The following DPYD variants were observed in gnomAD, a reference collection of about 807,000 sequenced individuals.
DPYD encodes dihydropyrimidine dehydrogenase [NADP(+)].
DPYD carries 109 observed loss-of-function variants against 116.2 expected under a neutral mutation model. That is an observed-to-expected ratio of 0.94 (90% CI 0.80 to 1.10). The LOEUF (loss-of-function observed/expected upper bound fraction) is 1.10, where lower values mean the gene tolerates loss of function less well. Among genes scored for constraint, DPYD ranks in the 50% least tolerant of loss-of-function variants. The pLI, the probability that DPYD is intolerant of heterozygous loss-of-function variation, is 0.00. For missense variants in DPYD, 1,302 were observed against 1,254.5 expected, an observed-to-expected ratio of 1.04 and a Z score of -0.57; for synonymous variants, 440 against 432.0, an observed-to-expected ratio of 1.02 and a Z score of -0.23.
At chr1:97,356,912 C>T (rs1474308681) in intron 16 of DPYD, among the ~76,000 whole-genome samples, 1 of 152,196 alleles carries the variant, frequency 6.6e-6, no homozygotes, top group Non-Finnish European at 1.5e-5. Context: ...TGCTGTTTAA[C>T]TAACATCACT....
At chr1:97,170,513 T>C (rs896287708) in intron 20 of DPYD, among the ~76,000 whole-genome samples, 5 of 152,022 alleles carry the variant, frequency 3.3e-5, no homozygotes, top group African/African-American at 4.8e-5. Context: ...CACATCTACA[T>C]AGGCAATGCA....
At chr1:97,761,826 T>C (rs1665591230) in intron 3 of DPYD, among the ~76,000 whole-genome samples, 1 of 152,090 alleles carries the variant, frequency 6.6e-6, no homozygotes, top group African/African-American at 2.4e-5. Context: ...TATGCAGCCA[T>C]GAAAAAGAAT....
intron 8 of DPYD, among the ~76,000 whole-genome samples, chr1:97,626,700 G>A (rs562416854): frequency 3.9e-5 from 6 of 151,938 alleles, no homozygotes; most frequent in Non-Finnish European, 7.4e-5. Context: ...TCTTCCTTCC[G>A]CATTAGCCTG....
chr1:97,549,107 C>T (rs1302373682), intron 12 of DPYD, among the ~76,000 whole-genome samples: 1 of 151,384 alleles, frequency 6.6e-6, no homozygotes, highest in Non-Finnish European at 1.5e-5. Flanking sequence ...TCTCTGTTGT[C>T]CAGGTTGAAG....
At chr1:97,523,019 C>T (rs945314306) in intron 12 of DPYD, among the ~76,000 whole-genome samples, 14 of 152,088 alleles carry the variant, frequency 9.2e-5, no homozygotes, top group Non-Finnish European at 1.6e-4. Flanking sequence ...AATGAGAACT[C>T]GAATTTTTGC....
Position 97,424,609 on chromosome 1 carries a change from A to G in DPYD, c.1905+25450T>C, listed in dbSNP as rs115515089. On this transcript the variant is annotated intron_variant, in intron 14 of 22. Coordinates refer to ENST00000370192, the MANE Select transcript of DPYD (RefSeq NM_000110.4). ...GCAAATATTCATAGTGAATTTCTCT[A>G]TAACACTCATTATATAGTTTGGGCT... Among the ~76,000 whole-genome samples, 1,454 of 152,252 alleles carry G rather than the reference A, an allele frequency of 9.5e-3. 22 individuals are homozygous for G. Among genetic ancestry groups the G allele is most frequent in the African/African-American group, 0.033 (1,375 of 41,560 alleles).
chr1:97,274,813 A>T (rs1303555777), intron 18 of DPYD, among the ~76,000 whole-genome samples: 1 of 152,018 alleles, frequency 6.6e-6, no homozygotes, highest in Non-Finnish European at 1.5e-5. Context: ...ATTGTATCCT[A>T]GTGTGTGGGT....
intron 19 of DPYD, among the ~76,000 whole-genome samples, chr1:97,198,546 A>G (rs558464587): frequency 6.6e-6 from 1 of 152,178 alleles, no homozygotes. Flanking sequence ...TGCCTAACTT[A>G]TATACTCCAT....
intron 13 of DPYD, among the ~76,000 whole-genome samples, chr1:97,460,870 C>A (rs761439529): frequency 1.3e-5 from 2 of 152,046 alleles, no homozygotes; most frequent in African/African-American, 4.8e-5. Context: ...GAAACCCTGT[C>A]TCTACTAAAG....
chr1:97,695,532 T>C (rs968022853), intron 6 of DPYD, among the ~76,000 whole-genome samples: 1 of 151,428 alleles, frequency 6.6e-6, no homozygotes, highest in African/African-American at 2.4e-5. Context: ...CACTTTGCCT[T>C]GTTTACTTTT....
intron 14 of DPYD, among the ~76,000 whole-genome samples, chr1:97,415,157 C>A (rs888829053): frequency 1.4e-5 from 2 of 146,274 alleles, no homozygotes; most frequent in Non-Finnish European, 3.0e-5. Context: ...AGAATAAAGG[C>A]AAACAAAACT....
chr1:97,287,124 T>C (rs1665745109), intron 18 of DPYD, among the ~76,000 whole-genome samples: 1 of 152,212 alleles, frequency 6.6e-6, no homozygotes. Flanking sequence ...TCCTTTCTGC[T>C]TGTTAGTTTT....
intron 5 of DPYD, among the ~76,000 whole-genome samples, chr1:97,706,116 A>C (rs2100989691): frequency 6.6e-6 from 1 of 151,868 alleles, no homozygotes; most frequent in South Asian, 2.1e-4. Context: ...TAACCCACTT[A>C]GAATATGTTA....
At chr1:97,340,286 T>C (rs1340390504) in intron 16 of DPYD, among the ~76,000 whole-genome samples, 1 of 152,082 alleles carries the variant, frequency 6.6e-6, no homozygotes. Context: ...CTAATAAAGA[T>C]AATTAGTGAT....
intron 3 of DPYD, among the ~76,000 whole-genome samples, chr1:97,791,109 C>G (rs1316775892): frequency 6.6e-6 from 1 of 152,050 alleles, no homozygotes. Flanking sequence ...TCAGGATTAC[C>G]CACAGTTCTC....
chr1:97,093,047 A>C (rs945698696), intron 21 of DPYD, among the ~76,000 whole-genome samples: 1 of 152,190 alleles, frequency 6.6e-6, no homozygotes, highest in Middle Eastern at 3.4e-3. Context: ...GGGCTCCTTA[A>C]ATGTCACTTC....
chr1:97,135,798 G>A (rs1179604014), intron 20 of DPYD, among the ~76,000 whole-genome samples: 1 of 152,126 alleles, frequency 6.6e-6, no homozygotes, highest in East Asian at 1.9e-4. Flanking sequence ...TCTTTTAAAA[G>A]CAGATGTCTA....
chr1:97,204,694 T>C (rs12092946), intron 19 of DPYD, among the ~76,000 whole-genome samples: 4,162 of 152,204 alleles, frequency 0.027, 156 homozygotes, highest in African/African-American at 0.088. Context: ...ACTCAGAGGG[T>C]TTTTTTCATT....
intron 20 of DPYD, among the ~76,000 whole-genome samples, chr1:97,127,195 G>C (rs1652913937): frequency 6.6e-6 from 1 of 152,146 alleles, no homozygotes; most frequent in Non-Finnish European, 1.5e-5. Context: ...AAAGAGAAAA[G>C]ACATTCCAAG....
Sources: allele counts gnomAD v4.1 joint callset (sites outside exome capture counted in the v4.1 genomes callset), GRCh38; gene constraint gnomAD v4.1.1; transcripts MANE v1.5; gene names NCBI Gene and HGNC (gene_info 2026-07-23, HGNC 2026-07-21).